Variants in RNASEL observed in about 807,000 individuals in gnomAD.
RNASEL encodes ribonuclease L, also known as 2-5A-dependent ribonuclease.
A neutral mutation model predicts 50.9 loss-of-function variants in RNASEL; 36 were observed. The observed-to-expected ratio is 0.71, with a 90% CI of 0.54 to 0.93. The LOEUF (loss-of-function observed/expected upper bound fraction) is 0.93, where lower values mean the gene tolerates loss of function less well. RNASEL is among the 40% of genes least tolerant of loss of function. The probability of loss-of-function intolerance (pLI) is 0.00; values close to 1 mark genes in which losing one functional copy is unlikely to be tolerated. For missense variants in RNASEL, 860 were observed against 894.5 expected (o/e 0.96, Z 0.49); for synonymous variants, 335 against 335.6 (o/e 1.00, Z 0.02).
intron 4 of RNASEL, among the ~76,000 whole-genome samples, chr1:182,581,770 G>A (rs535433064): frequency 2.6e-5 from 4 of 152,126 alleles, no homozygotes; most frequent in East Asian, 1.9e-4. Context: ...GTGAGCCACC[G>A]CGCCTGGCTA....
At chr1:182,575,643 A>G (rs899503431) in intron 6 of RNASEL, 65 bp from the exon 7 acceptor site, 2 of 1,585,884 alleles carry the variant, frequency 1.3e-6, no homozygotes, top group African/African-American at 2.7e-5. Flanking sequence ...TTCACAGCAT[A>G]TGGCCCTGAA....
intron 4 of RNASEL, 116 bp from the exon 5 acceptor site, chr1:182,581,473 CTTTTTTTTTTTTTT>C (rs1011639686): frequency 2.3e-4 from 69 of 294,820 alleles, no homozygotes; most frequent in South Asian, 1.3e-3. Flanking sequence ...GTTTTTCTTT[CTTTTTTTTTTTTTT>C]TTTTTTTTTT....
Position 182,575,307 on chromosome 1 carries a change from G to C in RNASEL, c.*85C>G. 7.3e-7 allele frequency: 1 copy of C among 1,361,992 alleles called. No homozygotes were observed. Among genetic ancestry groups the C allele is most frequent in the South Asian group, 1.2e-5 (1 of 85,574 alleles). The allele number at this position is 1,361,992 out of a possible 1,614,324, so 84.4% of individuals were successfully genotyped here. ...CAACTCATCCCTCACAAGCAACCTG[G>C]TGAGTTAAAAGGCCCAGAATGTTGT... On this transcript the variant is annotated 3_prime_UTR_variant, in exon 7 of 7. Coordinates refer to ENST00000367559, the MANE Select transcript of RNASEL (RefSeq NM_021133.4).
In RNASEL at chr1:182,573,814, G is replaced by C; in HGVS notation, c.*1578C>G. On this transcript the variant is annotated 3_prime_UTR_variant, in exon 7 of 7. Coordinates refer to ENST00000367559, the MANE Select transcript of RNASEL (RefSeq NM_021133.4). ...CCTAATCAACATTTAATTTCATTCA[G>C]TGGTATCTATTTATCCATTGCTAGA... 5.3e-6 allele frequency: 1 copy of C among 187,406 alleles called. No homozygotes were observed. Among genetic ancestry groups the C allele is most frequent in the East Asian group, 8.6e-5 (1 of 11,616 alleles). 11.6% of individuals were successfully genotyped at this position (187,406 alleles called of 1,614,324 possible).
At chr1:182,576,881 ATT>A (rs1180752771) in intron 5 of RNASEL, 7 of 142,884 alleles carry the variant, frequency 4.9e-5, no homozygotes, top group African/African-American at 1.5e-4. Context: ...CAAAAAAATA[ATT>A]TTTTTTTTTT....
At position 182,576,356 on chromosome 1, in the gene RNASEL, A is replaced by G; in HGVS notation, c.1939T>C (p.Phe647Leu). The G allele has an allele frequency of 6.3e-7, 1 of 1,597,270 alleles. No individual in the cohort carries two copies. Among genetic ancestry groups the G allele is most frequent in the Non-Finnish European group, 8.6e-7 (1 of 1,166,052 alleles). ...NECVMKKMNK[F>L]YEKRGNFYQN... ...TAGAAATTGCCTCTTTTTTCATAAA[A>G]CTTATTCATTTTTTTCATAACACAT... The change falls in exon 6 of 7, where the codon TTT becomes CTT. Residue 647 changes from phenylalanine (F) to leucine (L), a missense_variant. Phe to Leu is a conservative substitution (Grantham distance 22, BLOSUM62 0). Transcript: ENST00000367559.
Position 182,575,194 on chromosome 1 carries a change from G to T in RNASEL, c.*198C>A. 1 of 603,304 alleles carries T rather than the reference G, an allele frequency of 1.7e-6. No individual in the cohort carries two copies. The highest frequency in any genetic ancestry group is 2.0e-5 in the South Asian group (1 of 50,838). 37.4% of individuals were successfully genotyped at this position (603,304 alleles called of 1,614,324 possible). A position where few individuals can be genotyped will look rare whatever the true frequency, so the allele number is the denominator to read the frequency against. ...AATGTCCTCCCAGTTAGTGGGTAAA[G>T]CTTATGGACTAGTGTAGTCTGGGTA... On this transcript the variant is annotated 3_prime_UTR_variant, in exon 7 of 7. Transcript: ENST00000367559.
At position 182,579,807 on chromosome 1, in the gene RNASEL, T is replaced by C. The variant is rs1022526793; in HGVS notation, c.1905+1418A>G. 5.1e-6 allele frequency: 5 copies of C among 986,060 alleles called. No individual in the cohort carries two copies. The Admixed American group carries it at 7.1e-5, about 14-fold the overall frequency. The allele number at this position is 986,060 out of a possible 1,614,324, so 61.1% of individuals were successfully genotyped here. A position where few individuals can be genotyped will look rare whatever the true frequency, so the allele number is the denominator to read the frequency against. On this transcript the variant is annotated intron_variant, in intron 5 of 6. Transcript: ENST00000367559. Reference sequence around the variant, plus strand: ...CCAATCTCTGACTGTCCAGCATGAGTAATTTGAGTGTGGTCTCTGAGCCTC... The same window carrying C: ...CCAATCTCTGACTGTCCAGCATGAGCAATTTGAGTGTGGTCTCTGAGCCTC...
At position 182,586,050 on chromosome 1, in the gene RNASEL, C is replaced by T. The variant is rs1661589120; in HGVS notation, c.757G>A (p.Gly253Ser). The T allele has an allele frequency of 6.2e-7, 1 of 1,613,904 alleles. No homozygotes were observed. The highest frequency in any genetic ancestry group is 1.3e-5 in the African/African-American group (1 of 74,908). ...TGCTCCAGAAGCCTCTGCACCAAAC[C>T]CAAGTGCTTCTTCTCCACTGCCAGG... is the stretch of plus-strand genomic sequence containing the variant. ...LILAVEKKHL[G>S]LVQRLLEQEH... Residue 253 changes from glycine to serine, a missense_variant, in exon 2 of 7, where the codon GGT becomes AGT. Transcript: ENST00000367559.
At chr1:182,581,193 A>G (rs780682130) in intron 5 of RNASEL, 32 bp downstream of exon 5, 46 of 1,613,956 alleles carry the variant, frequency 2.9e-5, no homozygotes, top group Non-Finnish European at 8.5e-7. Flanking sequence ...TTATTCCTGG[A>G]CTAACCCCTG....
chr1:182,584,222 G>A, intron 2 of RNASEL, 56 bp from the exon 3 acceptor site: 3 of 1,118,784 alleles, frequency 2.7e-6, no homozygotes, highest in Non-Finnish European at 4.1e-6. Flanking sequence ...TAAAGTGAGA[G>A]TCAATTGATT....
intron 5 of RNASEL, chr1:182,577,116 C>G (rs1201218462): frequency 2.0e-5 from 3 of 150,912 alleles, no homozygotes; most frequent in Non-Finnish European, 4.4e-5. Context: ...AACTCCTGAC[C>G]TCGTGATCCA....
chr1:182,578,919 T>C (rs1037783589), intron 5 of RNASEL: 1 of 152,226 alleles, frequency 6.6e-6, no homozygotes, highest in African/African-American at 2.4e-5. Context: ...AAATCATGTC[T>C]TTTGTGGCCA....
intron 2 of RNASEL, among the ~76,000 whole-genome samples, chr1:182,584,926 C>T (rs1193928401): frequency 6.6e-6 from 1 of 152,198 alleles, no homozygotes; most frequent in Non-Finnish European, 1.5e-5. Flanking sequence ...GTCTTCACTA[C>T]GTCACATCTT....
At position 182,585,961 on chromosome 1, in the gene RNASEL, T is replaced by C. The variant is rs774814607; in HGVS notation, c.846A>G (p.Glu282=). Residue 282 remains glutamate (E), a synonymous_variant, in exon 2 of 7, where the codon GAA becomes GAG. Transcript: ENST00000367559. ...ACTCGGCGATTTTCTTCAGTTTGAG[T>C]TCAACAGCAAGCAGCAGTGCTGTTT... The part of the protein sequence containing the change: ...DGKTALLLAV[E]LKLKKIAELL... 4 of 1,614,094 alleles carry C rather than the reference T, an allele frequency of 2.5e-6. No individual in the cohort carries two copies. Among genetic ancestry groups the C allele is most frequent in the Non-Finnish European group, 3.4e-6 (4 of 1,180,024 alleles).
rs2102370771 is a variant in RNASEL, at chr1:182,585,828, C to G, written c.979G>C (p.Glu327Gln). Residue 327 changes from glutamate (E) to glutamine (Q), a missense_variant, in exon 2 of 7, where the codon GAA (glutamate) becomes CAA (glutamine). Transcript: ENST00000367559. ...VKVLLSHGAK[E>Q]DFHPPAEDWK... ...TCTTCAGCAGGAGGGTGAAAATCTT[C>G]TTTGGCTCCATGAGAGAGAAGAACC... 6.2e-7 allele frequency: 1 copy of G among 1,613,860 alleles called. No homozygotes were observed. The highest frequency in any genetic ancestry group is 8.5e-7 in the Non-Finnish European group (1 of 1,179,916).
rs1418882250 is a variant in RNASEL, at chr1:182,574,615, G to A, written c.*777C>T. 1 of 232,608 alleles carries A rather than the reference G, an allele frequency of 4.3e-6. No individual in the cohort carries two copies. Among genetic ancestry groups the A allele is most frequent in the East Asian group, 6.0e-5 (1 of 16,548 alleles). 14.4% of individuals were successfully genotyped at this position (232,608 alleles called of 1,614,324 possible). ...GGGCTGTCCTGTGCAAGGCAGGTTT[G>A]GCAGCATCCCTGGTCTTTACCCACT... is the stretch of plus-strand genomic sequence containing the variant. On this transcript the variant is annotated 3_prime_UTR_variant, in exon 7 of 7. Transcript: ENST00000367559.
rs749706421 is a variant in RNASEL, at chr1:182,586,014, CTA to C, written c.791_792del (p.Ile264ArgfsTer3). 6.2e-7 allele frequency: 1 copy of C among 1,613,974 alleles called. No homozygotes were observed. Among genetic ancestry groups the C allele is most frequent in the African/African-American group, 1.3e-5 (1 of 74,918 alleles). On this transcript the variant is annotated frameshift_variant, in exon 2 of 7. Coordinates refer to ENST00000367559, the MANE Select transcript of RNASEL (RefSeq NM_021133.4). LOFTEE classifies it high-confidence loss of function. Reference protein sequence around the residue: ...LVQRLLEQEHIEINDTDSDGK... With the variant: ...LVQRLLEQEHXEINDTDSDGK... Reference sequence around the variant, plus strand: ...CCATCACTGTCTGTGTCATTAATCTCTATGTGCTCTTGCTCCAGAAGCCTCTG... The same window carrying C: ...CCATCACTGTCTGTGTCATTAATCTCTGTGCTCTTGCTCCAGAAGCCTCTG...
Position 182,576,247 on chromosome 1 carries a change from A to G in RNASEL, c.2039+9T>C. The G allele has an allele frequency of 6.2e-7, 1 of 1,609,492 alleles. No individual in the cohort carries two copies. Among genetic ancestry groups the G allele is most frequent in the Non-Finnish European group, 8.5e-7 (1 of 1,177,402 alleles). On this transcript the variant is annotated intron_variant, in intron 6 of 6. Transcript: ENST00000367559. ...ACATATAATTTGTAGGAATGAAAAC[A>G]ATACTTACTTTTTATGCTTTTCTTC...
Sources: gnomAD v4.1 joint callset for allele counts (sites outside exome capture counted in the v4.1 genomes callset) on GRCh38, gnomAD v4.1.1 for gene constraint, MANE v1.5 for transcripts, NCBI Gene and HGNC (gene_info 2026-07-23, HGNC 2026-07-21) for gene names.